Variants in MPPED2 observed in about 807,000 individuals in gnomAD.
The protein encoded by MPPED2 is metallophosphoesterase domain containing 2, also known as metallophosphoesterase MPPED2.
A neutral mutation model predicts 33.0 loss-of-function variants in MPPED2; 5 were observed. That is an observed-to-expected ratio of 0.15 (90% CI 0.08 to 0.32). The LOEUF (loss-of-function observed/expected upper bound fraction) is 0.32. Ranked by LOEUF, MPPED2 falls within the 10% of genes least tolerant of loss-of-function variation. MPPED2 has a pLI of 1.00. For missense variants in MPPED2, 275 were observed against 372.1 expected (o/e 0.74, Z 2.15); for synonymous variants, 136 against 141.9 (o/e 0.96, Z 0.29).
intron 6 of MPPED2, among the ~76,000 whole-genome samples, chr11:30,413,737 T>C (rs1233617869): frequency 2.6e-5 from 4 of 152,256 alleles, no homozygotes; most frequent in Non-Finnish European, 5.9e-5. Context: ...ATATCTTTCA[T>C]TGCATGTCCT....
chr11:30,579,509 G>A (rs1957073058), intron 2 of MPPED2, among the ~76,000 whole-genome samples: 1 of 152,154 alleles, frequency 6.6e-6, no homozygotes, highest in Non-Finnish European at 1.5e-5. Context: ...CTGTAGCAGA[G>A]GACCAGAAAA....
Position 30,563,151 on chromosome 11 carries a change from C to T in MPPED2, c.128+17095G>A, listed in dbSNP as rs187147337. 3.2e-3 allele frequency among the ~76,000 whole-genome samples: 487 copies of T among 151,026 alleles called. 2 individuals are homozygous for T. Among genetic ancestry groups the T allele is most frequent in the Non-Finnish European group, 4.3e-3 (293 of 68,012 alleles). On this transcript the variant is annotated intron_variant, in intron 2 of 6. Transcript: ENST00000358117. ...TCAATGACACCCAGCTTCCCCCAGA[C>T]ATCCCACTCTCCTTGCTCATTTCCT... is the stretch of plus-strand genomic sequence containing the variant.
intron 4 of MPPED2, among the ~76,000 whole-genome samples, chr11:30,421,830 G>A (rs1032708227): frequency 6.6e-6 from 1 of 152,172 alleles, no homozygotes; most frequent in African/African-American, 2.4e-5. Flanking sequence ...GCTCCAAGAG[G>A]TGCCATGGAA....
intron 4 of MPPED2, among the ~76,000 whole-genome samples, chr11:30,472,927 G>A (rs1162692996): frequency 6.6e-6 from 1 of 152,154 alleles, no homozygotes; most frequent in African/African-American, 2.4e-5. Flanking sequence ...AAATGTTGTA[G>A]AATAGAATCA....
At chr11:30,512,704 T>C (rs1953289086) in intron 3 of MPPED2, among the ~76,000 whole-genome samples, 1 of 152,104 alleles carries the variant, frequency 6.6e-6, no homozygotes, top group Non-Finnish European at 1.5e-5. Context: ...ATGTACAAGT[T>C]AAAAAGTAAA....
intron 4 of MPPED2, among the ~76,000 whole-genome samples, chr11:30,419,584 C>T (rs1456632801): frequency 6.6e-6 from 1 of 152,122 alleles, no homozygotes; most frequent in East Asian, 1.9e-4. Flanking sequence ...AGAACCACTC[C>T]CTTTCCCACT....
At position 30,536,003 on chromosome 11, in the gene MPPED2, C is replaced by A; in HGVS notation, c.301G>T (p.Asp101Tyr). The part of the protein sequence containing the change: ...GLPSEVKKFN[D>Y]WLGNLPYEYK... ...CGCAATCATTCCTTACCTAACCAGT[C>A]ATTAAACTTCTTAACCTCTGAGGGC... The change falls in exon 3 of 7, where the codon GAC (aspartate) becomes TAC (tyrosine). Residue 101 changes from aspartate (D) to tyrosine (Y), a missense_variant. Physicochemically the swap from Asp to Tyr is radical, Grantham distance 160 (BLOSUM62 -3). Coordinates refer to ENST00000358117, the MANE Select transcript of MPPED2 (RefSeq NM_001584.3). 1.2e-6 allele frequency: 2 copies of A among 1,604,032 alleles called. No individual in the cohort carries two copies. The highest frequency in any genetic ancestry group is 1.1e-5 in the South Asian group (1 of 89,066).
chr11:30,559,459 T>C (rs1319743407), intron 2 of MPPED2, among the ~76,000 whole-genome samples: 1 of 152,226 alleles, frequency 6.6e-6, no homozygotes, highest in Non-Finnish European at 1.5e-5. Context: ...TTTGTGGAAA[T>C]TTATTGCATG....
At chr11:30,526,299 A>G (rs972966670) in intron 3 of MPPED2, among the ~76,000 whole-genome samples, 24 of 152,200 alleles carry the variant, frequency 1.6e-4, no homozygotes, top group African/African-American at 5.1e-4. Flanking sequence ...ATTACACACC[A>G]CGACAAGGAC....
chr11:30,573,905 A>G (rs191003166), intron 2 of MPPED2, among the ~76,000 whole-genome samples: 2 of 152,322 alleles, frequency 1.3e-5, no homozygotes, highest in Admixed American at 6.5e-5. Context: ...AGCTTATAGA[A>G]TAAGAATATA....
At chr11:30,547,696 A>G (rs1006383716) in intron 2 of MPPED2, among the ~76,000 whole-genome samples, 2 of 152,158 alleles carry the variant, frequency 1.3e-5, no homozygotes, top group Non-Finnish European at 2.9e-5. Flanking sequence ...CTTTTGATCC[A>G]TTTGCAAATT....
chr11:30,468,548 T>G (rs1950817531), intron 4 of MPPED2, among the ~76,000 whole-genome samples: 2 of 151,000 alleles, frequency 1.3e-5, no homozygotes, highest in African/African-American at 4.9e-5. Context: ...AAAAAGAGGG[T>G]AAAAGGAGGA....
chr11:30,472,652 A>G (rs1047997081), intron 4 of MPPED2, among the ~76,000 whole-genome samples: 12 of 152,256 alleles, frequency 7.9e-5, no homozygotes, highest in Admixed American at 3.9e-4. Context: ...TAAGTGAAAT[A>G]AGCTGGTCAC....
At chr11:30,584,375 CACCACAT>C (rs1957349567) in intron 1 of MPPED2, 1 of 70,648 alleles carries the variant, frequency 1.4e-5, no homozygotes, top group African/African-American at 3.9e-5. Flanking sequence ...CACACACACA[CACCACAT>C]ACACTCGCCC....
downstream of MPPED2, chr11:30,410,027 A>G: frequency 4.8e-6 from 4 of 834,470 alleles, no homozygotes; most frequent in Non-Finnish European, 5.8e-6. Flanking sequence ...ATGGAAGGAA[A>G]GAGTACACTG....
downstream of MPPED2, among the ~76,000 whole-genome samples, chr11:30,407,008 T>C (rs955333985): frequency 6.6e-6 from 1 of 152,212 alleles, no homozygotes; most frequent in African/African-American, 2.4e-5. Flanking sequence ...GAGTGGGGAA[T>C]GGGGCATTAT....
chr11:30,450,503 G>C (rs1413952927), intron 4 of MPPED2, among the ~76,000 whole-genome samples: 1 of 152,216 alleles, frequency 6.6e-6, no homozygotes, highest in Non-Finnish European at 1.5e-5. Flanking sequence ...ACTTGGAGAA[G>C]TGAAGTAAAC....
At chr11:30,583,134 CTTTTTTTTTTTTTTTTTTTTT>C (rs199611856) in intron 1 of MPPED2, among the ~76,000 whole-genome samples, 1 of 96,712 alleles carries the variant, frequency 1.0e-5, no homozygotes, top group Non-Finnish European at 2.0e-5. Context: ...AAGACTTTTT[CTTTTTTTTTTTTTTTTTTTTT>C]TTTTTTTTTT....
intron 4 of MPPED2, among the ~76,000 whole-genome samples, chr11:30,470,307 A>T (rs1950892913): frequency 2.0e-5 from 3 of 152,262 alleles, no homozygotes; most frequent in Admixed American, 2.0e-4. Flanking sequence ...ACCACTTAAA[A>T]GTTGATTGAA....
Sources: allele counts gnomAD v4.1 joint callset (sites outside exome capture counted in the v4.1 genomes callset), GRCh38; gene constraint gnomAD v4.1.1; transcripts MANE v1.5; gene names NCBI Gene and HGNC (gene_info 2026-07-23, HGNC 2026-07-21).